Variants in TENM3 observed in about 807,000 individuals in gnomAD.
TENM3 encodes the protein teneurin transmembrane protein 3, also known as teneurin-3.
A neutral mutation model predicts 255.1 loss-of-function variants in TENM3; 63 were observed. The observed-to-expected ratio is 0.25, with a 90% CI of 0.20 to 0.30. TENM3 has a LOEUF of 0.30. TENM3 is among the 10% of genes least tolerant of loss of function. The pLI is 1.00. For synonymous variants in TENM3, 1,306 were observed against 1,322.3 expected (o/e 0.99, Z 0.27); for missense variants, 2,929 against 3,461.1 (o/e 0.85, Z 3.86).
the TENM3 span, among the ~76,000 whole-genome samples, chr4:181,742,009 G>A: frequency 6.6e-6 from 1 of 152,068 alleles, no homozygotes; most frequent in Non-Finnish European, 1.5e-5. Flanking sequence ...TCATTTGTTA[G>A]GCATCTTATA....
the TENM3 span, among the ~76,000 whole-genome samples, chr4:182,013,750 C>T: frequency 6.6e-6 from 1 of 151,916 alleles, no homozygotes; most frequent in Non-Finnish European, 1.5e-5. Flanking sequence ...ATTTTGTCTA[C>T]ATTTATATTT....
the TENM3 span, among the ~76,000 whole-genome samples, chr4:181,539,357 C>A: frequency 2.0e-5 from 3 of 152,008 alleles, 1 homozygote; most frequent in South Asian, 6.2e-4. Flanking sequence ...TGAAACATTG[C>A]CAATATTATT....
the TENM3 span, among the ~76,000 whole-genome samples, chr4:181,518,452 G>T: frequency 6.6e-6 from 1 of 152,100 alleles, no homozygotes; most frequent in African/African-American, 2.4e-5. Context: ...ATTTGAGACG[G>T]AGTCTCACTC....
the TENM3 span, among the ~76,000 whole-genome samples, chr4:181,742,191 A>G: frequency 6.6e-6 from 1 of 152,204 alleles, no homozygotes; most frequent in South Asian, 2.1e-4. Flanking sequence ...AGAAATATAT[A>G]GAAAAAAAGT....
chr4:181,749,088 G>A, the TENM3 span, among the ~76,000 whole-genome samples: 1 of 152,002 alleles, frequency 6.6e-6, no homozygotes, highest in Admixed American at 6.6e-5. Flanking sequence ...TTCCTAAGTG[G>A]TTATTCTCTA....
the TENM3 span, among the ~76,000 whole-genome samples, chr4:181,880,057 T>TG: frequency 6.6e-6 from 1 of 152,160 alleles, no homozygotes; most frequent in Admixed American, 6.5e-5. Flanking sequence ...TGAAATAATT[T>TG]ATTATAATTT....
At chr4:181,883,421 T>C in the TENM3 span, among the ~76,000 whole-genome samples, 217 of 152,286 alleles carry the variant, frequency 1.4e-3, 1 homozygote, top group African/African-American at 4.9e-3. Context: ...TTTTATGTTG[T>C]TATGTATTTA....
the TENM3 span, among the ~76,000 whole-genome samples, chr4:181,952,424 C>G: frequency 6.6e-6 from 1 of 152,122 alleles, no homozygotes; most frequent in Non-Finnish European, 1.5e-5. Context: ...AATTACTGTA[C>G]AACACATTAA....
rs35538818 is a variant in TENM3 at position 182,701,210 on chromosome 4, C to CTTTTTTTTTTTTTTTTTTTTTTT, written c.2221+12865_2222-12849dup. ...TTTTCACATACAGTCCAACTCTTGA[C>CTTTTTTTTTTTTTTTTTTTTTTT]TTTTTTTTTTTTTTTTTTTTTTTTT... On this transcript the variant is annotated intron_variant, in intron 12 of 27. Transcript: ENST00000511685. Among the ~76,000 whole-genome samples, 30 of 38,668 alleles carry CTTTTTTTTTTTTTTTTTTTTTTT rather than the reference C, an allele frequency of 7.8e-4. 13 individuals carry two copies. The highest frequency in any genetic ancestry group is 3.2e-3 in the South Asian group (2 of 624). The allele number at this position is 38,668 out of a possible 152,430, so 25.4% of individuals were successfully genotyped here.
intron 2 of TENM3, among the ~76,000 whole-genome samples, chr4:182,345,715 A>C (rs1361438532): frequency 2.6e-5 from 4 of 152,222 alleles, no homozygotes; most frequent in African/African-American, 9.6e-5. Flanking sequence ...CATTAATAAC[A>C]GCAGTCATTT....
At chr4:181,487,571 G>A in the TENM3 span, among the ~76,000 whole-genome samples, 2 of 152,172 alleles carry the variant, frequency 1.3e-5, no homozygotes, top group African/African-American at 4.8e-5. Context: ...CTCACTCAAG[G>A]AGGCTCTGCC....
At chr4:182,262,566 C>T (rs1037071871) in intron 1 of TENM3, among the ~76,000 whole-genome samples, 12 of 152,246 alleles carry the variant, frequency 7.9e-5, no homozygotes, top group South Asian at 4.2e-4. Context: ...ATGGCAACGT[C>T]AGGAAGTTAT....
chr4:182,035,256 T>C, the TENM3 span, among the ~76,000 whole-genome samples: 20 of 152,226 alleles, frequency 1.3e-4, no homozygotes, highest in Non-Finnish European at 2.8e-4. Flanking sequence ...CATCACTGCT[T>C]CTTGACATGC....
Position 182,590,556 on chromosome 4 carries a change from A to G in TENM3, c.512-10368A>G, listed in dbSNP as rs1427045834. 5.4e-4 allele frequency among the ~76,000 whole-genome samples: 81 copies of G among 150,448 alleles called. 1 individual carries two copies. Among genetic ancestry groups the G allele is most frequent in the South Asian group, 2.5e-3 (12 of 4,810 alleles). On this transcript the variant is annotated intron_variant, in intron 3 of 27. Coordinates refer to ENST00000511685, the MANE Select transcript of TENM3 (RefSeq NM_001080477.4). ...CCTGTCTCAAAAAAAAAAAAAAAAA[A>G]AAAAAGAAAAAGAAAAAGGTGGGCC...
the TENM3 span, among the ~76,000 whole-genome samples, chr4:181,970,758 G>A: frequency 6.6e-6 from 1 of 152,160 alleles, no homozygotes; most frequent in Non-Finnish European, 1.5e-5. Flanking sequence ...ACAATGGTAT[G>A]ACAGCAAGCC....
At chr4:181,782,013 C>T in the TENM3 span, among the ~76,000 whole-genome samples, 2 of 152,006 alleles carry the variant, frequency 1.3e-5, no homozygotes, top group Non-Finnish European at 2.9e-5. Flanking sequence ...CTGCTGGATT[C>T]GGTTTGCCAG....
chr4:181,521,544 A>G, the TENM3 span, among the ~76,000 whole-genome samples: 1 of 152,220 alleles, frequency 6.6e-6, no homozygotes, highest in African/African-American at 2.4e-5. Context: ...TGAAGGATAT[A>G]GACTGTCTTG....
At chr4:182,601,291 G>A in intron 4 of TENM3, 130 bp downstream of exon 4, 1 of 739,954 alleles carries the variant, frequency 1.4e-6, no homozygotes. Flanking sequence ...TCTTCTCTAA[G>A]AAGCAGTTCC....
At chr4:182,279,349 A>G (rs1267622789) in intron 1 of TENM3, among the ~76,000 whole-genome samples, 1 of 152,190 alleles carries the variant, frequency 6.6e-6, no homozygotes, top group Non-Finnish European at 1.5e-5. Flanking sequence ...TGGAATTATT[A>G]TTATCATCTT....
Sources: gnomAD v4.1 joint callset for allele counts (sites outside exome capture counted in the v4.1 genomes callset) on GRCh38, gnomAD v4.1.1 for gene constraint, MANE v1.5 for transcripts, NCBI Gene and HGNC (gene_info 2026-07-23, HGNC 2026-07-21) for gene names.